The following CLK1 variants were observed in gnomAD, a reference collection of about 807,000 sequenced individuals.
CLK1 encodes the protein CDC like kinase 1, also known as dual specificity protein kinase CLK1.
A neutral mutation model predicts 60.9 loss-of-function variants in CLK1; 40 were observed. That is an observed-to-expected ratio of 0.66 (90% CI 0.51 to 0.86). CLK1 has a LOEUF of 0.86. Among genes scored for constraint, CLK1 ranks in the 40% least tolerant of loss-of-function variants. The pLI is 0.00. For missense variants in CLK1, 563 were observed against 606.1 expected, an observed-to-expected ratio of 0.93 and a Z score of 0.75; for synonymous variants, 203 against 184.4, an observed-to-expected ratio of 1.10 and a Z score of -0.82.
rs2038982670 is a variant in CLK1, at chr2:200,853,557, G to A, written c.1312-108C>T. 4 of 1,077,336 alleles carry A rather than the reference G, an allele frequency of 3.7e-6. No homozygotes were observed. The East Asian group carries it at 7.9e-5, about 21-fold the overall frequency. The allele number at this position is 1,077,336 out of a possible 1,614,324, so 66.7% of individuals were successfully genotyped here. On this transcript the variant is annotated intron_variant, in intron 12 of 12. Transcript: ENST00000321356. ...ATATAACCACCATAAAAACAGAAAA[G>A]AGGCCAGGCATGGTCGCTCACGCCT...
chr2:200,856,018 T>C (rs1187602761), intron 9 of CLK1, among the ~76,000 whole-genome samples: 1 of 150,752 alleles, frequency 6.6e-6, no homozygotes, highest in Non-Finnish European at 1.5e-5. Flanking sequence ...AAAAAATAAA[T>C]AAATGATAAA....
chr2:200,856,255 A>G (rs555516053), intron 9 of CLK1, among the ~76,000 whole-genome samples: 133 of 151,924 alleles, frequency 8.8e-4, no homozygotes, highest in Non-Finnish European at 1.4e-3. Context: ...TATTTTTAGT[A>G]GAGATGGGGT....
At chr2:200,853,812 T>A in intron 12 of CLK1, 91 bp downstream of exon 12, 1 of 923,346 alleles carries the variant, frequency 1.1e-6, no homozygotes, top group African/African-American at 1.7e-5. Flanking sequence ...GCCACTCTAC[T>A]CCAGCCTGGA....
intron 1 of CLK1, chr2:200,864,304 G>A (rs2039194008): frequency 1.4e-6 from 2 of 1,468,180 alleles, no homozygotes; most frequent in African/African-American, 1.4e-5. Context: ...CTTCCTCAGC[G>A]GAGGGCAGAA....
At chr2:200,859,226 A>G (rs2039095458) in intron 5 of CLK1, among the ~76,000 whole-genome samples, 1 of 152,156 alleles carries the variant, frequency 6.6e-6, no homozygotes, top group Non-Finnish European at 1.5e-5. Context: ...AACATACATA[A>G]TTAAACTTGG....
chr2:200,861,228 A>T lies in CLK1; in HGVS notation c.390+10T>A, dbSNP rs544646477. 1 of 1,605,770 alleles carries T rather than the reference A, an allele frequency of 6.2e-7. No individual in the cohort carries two copies. Among genetic ancestry groups the T allele is most frequent in the Non-Finnish European group, 8.5e-7 (1 of 1,175,368 alleles). ...ATAAAATTTCCAAAATGTTTTAAAAACGTTCATACCCCATGTGAACGACGA... is the reference window on the plus strand; with the variant it reads ...ATAAAATTTCCAAAATGTTTTAAAATCGTTCATACCCCATGTGAACGACGA... On this transcript the variant is annotated intron_variant, in intron 3 of 12. Coordinates refer to ENST00000321356, the MANE Select transcript of CLK1 (RefSeq NM_004071.4).
intron 1 of CLK1, chr2:200,864,196 G>C: frequency 5.2e-6 from 8 of 1,550,524 alleles, no homozygotes; most frequent in Non-Finnish European, 7.0e-6. Context: ...TCCGGCCACA[G>C]GGCCGAAGCC....
At chr2:200,864,375 G>A (rs2105745254) in intron 1 of CLK1, 189 bp downstream of exon 1, 2 of 1,123,156 alleles carry the variant, frequency 1.8e-6, no homozygotes, top group South Asian at 3.8e-5. Flanking sequence ...CGGATCCGGC[G>A]GCGACAGGCT....
intron 1 of CLK1, chr2:200,864,122 G>A (rs2039188242): frequency 6.4e-7 from 1 of 1,551,082 alleles, no homozygotes; most frequent in Non-Finnish European, 8.7e-7. Context: ...TTTCCCCACA[G>A]CTGCTTGGCT....
At chr2:200,864,105 GACA>G (rs2039187979) in intron 1 of CLK1, 2 of 1,549,406 alleles carry the variant, frequency 1.3e-6, no homozygotes, top group African/African-American at 1.4e-5. Flanking sequence ...ACTTACTCCA[GACA>G]ACGTTTCCCC....
rs1424619176 is a variant in CLK1, at chr2:200,853,144, T to G, written c.*162A>C. The G allele has an allele frequency of 2.1e-6, 1 of 483,684 alleles. No individual in the cohort carries two copies. The highest frequency in any genetic ancestry group is 3.6e-6 in the Non-Finnish European group (1 of 279,898). The allele number at this position is 483,684 out of a possible 1,614,324, so 30.0% of individuals were successfully genotyped here. A position where few individuals can be genotyped will look rare whatever the true frequency, so the allele number is the denominator to read the frequency against. On this transcript the variant is annotated 3_prime_UTR_variant, in exon 13 of 13. Transcript: ENST00000321356. ...TACAATTACTGAAAAAGATGTTCAT[T>G]ACCTTAGCTATGTACTTAATGAACC...
intron 9 of CLK1, among the ~76,000 whole-genome samples, chr2:200,855,637 T>TTA (rs2039027859): frequency 7.2e-6 from 1 of 137,970 alleles, no homozygotes; most frequent in Non-Finnish European, 1.6e-5. Context: ...CCCCAAAAAA[T>TTA]TATATATATA....
chr2:200,861,329 T>C lies in CLK1; in HGVS notation c.299A>G (p.His100Arg), dbSNP rs771747815. The change falls in exon 3 of 13, where the codon CAT (histidine) becomes CGT (arginine). Residue 100 changes from histidine (H) to arginine (R), a missense_variant. By Grantham distance (29) the His-to-Arg change is conservative. Coordinates refer to ENST00000321356, the MANE Select transcript of CLK1 (RefSeq NM_004071.4). Reference protein sequence around the residue: ...QRDHESRYQNHSSKSSGRSGR... With the variant: ...QRDHESRYQNRSSKSSGRSGR... The stretch of plus-strand genomic sequence containing the variant: ...ACTTCTACCAGAAGACTTGCTACTA[T>C]GGTTCTGATACCGGCTTTCATGGTC... The C allele has an allele frequency of 6.8e-6, 11 of 1,614,214 alleles. No individual in the cohort carries two copies. The highest frequency in any genetic ancestry group is 1.1e-5 in the South Asian group (1 of 91,086).
chr2:200,853,058 A>G lies in CLK1; in HGVS notation c.*248T>C, dbSNP rs866924788. ...TAGGAAGAAAAATGGTACTTAGAAC[A>G]AACTGTTCAGATACATATCAACTTC... On this transcript the variant is annotated 3_prime_UTR_variant, in exon 13 of 13. Coordinates refer to ENST00000321356, the MANE Select transcript of CLK1 (RefSeq NM_004071.4). 9.9e-6 allele frequency: 3 copies of G among 302,696 alleles called. No individual in the cohort carries two copies. Among genetic ancestry groups the G allele is most frequent in the African/African-American group, 4.3e-5 (2 of 46,502 alleles). 18.8% of individuals were successfully genotyped at this position (302,696 alleles called of 1,614,324 possible).
chr2:200,857,608 C>T (rs2039064749), intron 7 of CLK1, 110 bp downstream of exon 7: 3 of 887,198 alleles, frequency 3.4e-6, no homozygotes, highest in African/African-American at 1.7e-5. Context: ...ACCTATTCTT[C>T]CTCCCCCTTT....
intron 4 of CLK1, 107 bp downstream of exon 4, chr2:200,860,016 CAA>C: frequency 6.8e-7 from 1 of 1,471,070 alleles, no homozygotes; most frequent in East Asian, 2.5e-5. Flanking sequence ...AAAAATAAAA[CAA>C]AAACAAAAAA....
chr2:200,856,027 AAAAT>A (rs1036006114), intron 9 of CLK1, among the ~76,000 whole-genome samples: 2 of 151,850 alleles, frequency 1.3e-5, no homozygotes, highest in African/African-American at 4.8e-5. Flanking sequence ...ATAAATGATA[AAAAT>A]AAATAAATTA....
intron 1 of CLK1, among the ~76,000 whole-genome samples, chr2:200,862,496 C>T (rs967593000): frequency 1.3e-5 from 2 of 152,092 alleles, no homozygotes; most frequent in African/African-American, 4.8e-5. Flanking sequence ...CCGCCCCCTG[C>T]TCCCAAAACA....
intron 9 of CLK1, among the ~76,000 whole-genome samples, chr2:200,855,733 G>A (rs1379796594): frequency 6.6e-6 from 1 of 152,060 alleles, no homozygotes; most frequent in East Asian, 1.9e-4. Context: ...ATATGGCCGG[G>A]CGCAGTGGCT....
Sources: allele counts gnomAD v4.1 joint callset (sites outside exome capture counted in the v4.1 genomes callset), GRCh38; gene constraint gnomAD v4.1.1; transcripts MANE v1.5; gene names NCBI Gene and HGNC (gene_info 2026-07-23, HGNC 2026-07-21).